Variants in LDLRAD4 observed in about 807,000 individuals in gnomAD.
LDLRAD4 encodes low density lipoprotein receptor class A domain containing 4.
A neutral mutation model predicts 17.0 loss-of-function variants in LDLRAD4; 5 were observed. The observed-to-expected ratio is 0.29, with a 90% confidence interval of 0.15 to 0.62. LDLRAD4 has a LOEUF of 0.62. LDLRAD4 is among the 20% of genes least tolerant of loss of function. LDLRAD4 has a pLI of 0.84. For synonymous variants in LDLRAD4, 168 were observed against 171.8 expected, an observed-to-expected ratio of 0.98 and a Z score of 0.17; for missense variants, 340 against 424.7, an observed-to-expected ratio of 0.80 and a Z score of 1.75.
At chr18:13,471,843 T>C (rs1055476184) in intron 3 of LDLRAD4, 4 of 152,256 alleles carry the variant, frequency 2.6e-5, no homozygotes, top group African/African-American at 9.6e-5. Flanking sequence ...GTTTGTTTTA[T>C]TTTATTTTCT....
At chr18:13,228,205 T>C (rs1406702322) in intron 1 of LDLRAD4, among the ~76,000 whole-genome samples, 1 of 152,046 alleles carries the variant, frequency 6.6e-6, no homozygotes, top group Non-Finnish European at 1.5e-5. Context: ...GGAGTGGAGA[T>C]GGAGTGTGCT....
chr18:13,333,191 G>A (rs894591369), intron 1 of LDLRAD4, among the ~76,000 whole-genome samples: 6 of 152,070 alleles, frequency 3.9e-5, no homozygotes, highest in Admixed American at 1.3e-4. Flanking sequence ...CTTTTCATAT[G>A]CTTATTGGCC....
chr18:13,280,628 A>C lies in LDLRAD4; in HGVS notation c.-383+2440A>C, dbSNP rs937508754. ...CAAAGGCACTGGGGTGTGGGCAAAG[A>C]AATCGTTAATTCAGGCTCCCTGCAC... On this transcript the variant is annotated intron_variant, in intron 1 of 5. Coordinates refer to ENST00000359446, the Ensembl canonical transcript of LDLRAD4. Among the ~76,000 whole-genome samples the C allele has an allele frequency of 1.9e-4, 29 of 152,334 alleles. No homozygotes were observed. The East Asian group carries it at 2.5e-3, about 13-fold the overall frequency.
upstream of LDLRAD4, among the ~76,000 whole-genome samples, chr18:13,276,031 T>C (rs1195791535): frequency 1.3e-5 from 2 of 152,290 alleles, no homozygotes; most frequent in Non-Finnish European, 1.5e-5. Context: ...TATTTTGAGA[T>C]AGGGTCTTAT....
At chr18:13,642,328 C>T in intron 4 of LDLRAD4, 1 of 998,832 alleles carries the variant, frequency 1.0e-6, no homozygotes, top group Non-Finnish European at 1.2e-6. Context: ...TCGCGCTCTC[C>T]CGTGACGGCC....
intron 3 of LDLRAD4, among the ~76,000 whole-genome samples, chr18:13,481,678 G>T (rs1435465796): frequency 6.7e-6 from 1 of 149,918 alleles, no homozygotes; most frequent in East Asian, 2.0e-4. Flanking sequence ...CATTCAACAG[G>T]CGTTTATCAA....
chr18:13,625,773 T>TC (rs2041098875), intron 4 of LDLRAD4, among the ~76,000 whole-genome samples: 1 of 23,074 alleles, frequency 4.3e-5, no homozygotes, highest in African/African-American at 1.8e-4. Context: ...ACCACCCTCC[T>TC]CCCCCCGCCA....
intron 1 of LDLRAD4, among the ~76,000 whole-genome samples, chr18:13,281,500 A>G (rs2045278140): frequency 6.6e-6 from 1 of 152,234 alleles, no homozygotes; most frequent in South Asian, 2.1e-4. Flanking sequence ...TTCTAACTTG[A>G]GGAGGACTGA....
intron 1 of LDLRAD4, among the ~76,000 whole-genome samples, chr18:13,293,016 C>G (rs899352415): frequency 6.6e-6 from 1 of 152,230 alleles, no homozygotes; most frequent in African/African-American, 2.4e-5. Context: ...GCTCGAGCAC[C>G]ACGTCCCAGG....
intron 3 of LDLRAD4, chr18:13,565,031 C>T (rs1372273124): frequency 6.6e-6 from 1 of 152,272 alleles, no homozygotes; most frequent in Non-Finnish European, 1.5e-5. Flanking sequence ...GTATGTATTT[C>T]ACCCTGTATG....
At chr18:13,515,564 T>A (rs1335131122) in intron 3 of LDLRAD4, 1 of 152,242 alleles carries the variant, frequency 6.6e-6, no homozygotes, top group African/African-American at 2.4e-5. Flanking sequence ...GGTGAAAGGT[T>A]CCTGCTGTTT....
intron 3 of LDLRAD4, among the ~76,000 whole-genome samples, chr18:13,608,413 G>A (rs1315839121): frequency 1.3e-5 from 2 of 152,164 alleles, no homozygotes; most frequent in Admixed American, 1.3e-4. Flanking sequence ...GACCTGGGCT[G>A]GGTGAGATGC....
At chr18:13,634,669 A>G (rs2041938026) in intron 4 of LDLRAD4, among the ~76,000 whole-genome samples, 1 of 152,136 alleles carries the variant, frequency 6.6e-6, no homozygotes, top group Admixed American at 6.5e-5. Flanking sequence ...CTTCAGTGTA[A>G]TCGCTTTTGA....
At chr18:13,426,716 A>G (rs533584887) in intron 2 of LDLRAD4, among the ~76,000 whole-genome samples, 4 of 152,346 alleles carry the variant, frequency 2.6e-5, no homozygotes, top group East Asian at 3.9e-4. Context: ...AGTTTAGTTC[A>G]CCAGCAGACC....
chr18:13,324,024 C>T lies in LDLRAD4; in HGVS notation c.-383+45836C>T, dbSNP rs542669527. On this transcript the variant is annotated intron_variant, in intron 1 of 5. Coordinates refer to ENST00000359446, the Ensembl canonical transcript of LDLRAD4. Reference sequence around the variant, plus strand: ...AGGTTGCAGTGAGCCAAGATCGTGCCGCTGCACTCCATCCTGGGCAAGAGT... The same window carrying T: ...AGGTTGCAGTGAGCCAAGATCGTGCTGCTGCACTCCATCCTGGGCAAGAGT... Among the ~76,000 whole-genome samples, 288 of 151,952 alleles carry T rather than the reference C, an allele frequency of 1.9e-3. 2 individuals are homozygous for T. Among genetic ancestry groups the T allele is most frequent in the African/African-American group, 6.7e-3 (276 of 41,424 alleles).
intron 1 of LDLRAD4, among the ~76,000 whole-genome samples, chr18:13,324,542 G>A (rs1599414684): frequency 6.6e-6 from 1 of 152,270 alleles, no homozygotes; most frequent in Middle Eastern, 3.4e-3. Context: ...CGGGGAAGAG[G>A]GAGAAGCGGC....
intron 3 of LDLRAD4, among the ~76,000 whole-genome samples, chr18:13,537,070 T>C (rs2094210630): frequency 6.6e-6 from 1 of 152,242 alleles, no homozygotes; most frequent in Admixed American, 6.5e-5. Flanking sequence ...TTAGAGATAT[T>C]GGTCTGTTGT....
chr18:13,381,534 C>A (rs1183703607), intron 1 of LDLRAD4, among the ~76,000 whole-genome samples: 6 of 152,302 alleles, frequency 3.9e-5, no homozygotes, highest in Admixed American at 3.9e-4. Flanking sequence ...AGAGTGGGTC[C>A]CCTACCTGGG....
At chr18:13,379,048 G>C (rs887531463) in intron 1 of LDLRAD4, among the ~76,000 whole-genome samples, 3 of 152,186 alleles carry the variant, frequency 2.0e-5, no homozygotes, top group Non-Finnish European at 4.4e-5. Flanking sequence ...TTTCTCATTA[G>C]ATACACAATG....
Sources: allele counts gnomAD v4.1 joint callset (sites outside exome capture counted in the v4.1 genomes callset), GRCh38; gene constraint gnomAD v4.1.1; transcripts MANE v1.5; gene names NCBI Gene and HGNC (gene_info 2026-07-23, HGNC 2026-07-21).